The following LARGE1 variants were observed in gnomAD, a reference collection of about 807,000 sequenced individuals.
LARGE1 encodes xylosyl- and glucuronyltransferase LARGE1.
In LARGE1, 43 loss-of-function variants were observed where a neutral mutation model predicts 87.6. That is an observed-to-expected ratio of 0.49 (90% CI 0.38 to 0.63). The LOEUF (loss-of-function observed/expected upper bound fraction) is 0.63. Among genes scored for constraint, LARGE1 ranks in the 30% least tolerant of loss-of-function variants. The pLI is 0.00. For synonymous variants in LARGE1, 434 were observed against 394.6 expected, an observed-to-expected ratio of 1.10 and a Z score of -1.18; for missense variants, 802 against 1,000.2, an observed-to-expected ratio of 0.80 and a Z score of 2.67.
chr22:33,922,057 C>A (rs1158363510), upstream of LARGE1, among the ~76,000 whole-genome samples: 1 of 152,062 alleles, frequency 6.6e-6, no homozygotes, highest in Non-Finnish European at 1.5e-5. Flanking sequence ...GGGTCCCCTT[C>A]CCCCCGGGTC....
chr22:33,588,824 G>C (rs1484814685), intron 5 of LARGE1, among the ~76,000 whole-genome samples: 1 of 152,184 alleles, frequency 6.6e-6, no homozygotes, highest in Non-Finnish European at 1.5e-5. Context: ...CCCACACACA[G>C]AAGGGAGGAA....
intron 7 of LARGE1, among the ~76,000 whole-genome samples, chr22:33,402,144 T>C (rs1408462926): frequency 1.3e-5 from 2 of 152,228 alleles, no homozygotes; most frequent in African/African-American, 2.4e-5. Flanking sequence ...GGAGAGGTCA[T>C]ACAGCTGGTG....
chr22:33,777,132 C>T (rs1335600170), intron 1 of LARGE1, among the ~76,000 whole-genome samples: 1 of 152,142 alleles, frequency 6.6e-6, no homozygotes, highest in South Asian at 2.1e-4. Context: ...AGAAGTCATT[C>T]CTGGCAGAAA....
chr22:33,072,915 G>A, the LARGE1 span, among the ~76,000 whole-genome samples: 4 of 152,178 alleles, frequency 2.6e-5, no homozygotes, highest in Admixed American at 6.5e-5. Context: ...GCCAGGGCTG[G>A]CCTTCATTCC....
intron 6 of LARGE1, among the ~76,000 whole-genome samples, chr22:33,460,193 G>C (rs546172749): frequency 6.6e-6 from 1 of 152,124 alleles, no homozygotes; most frequent in African/African-American, 2.4e-5. Context: ...CGGTTGTGTC[G>C]GCCAAATTTA....
At chr22:33,848,341 TG>T in intron 1 of LARGE1, among the ~76,000 whole-genome samples, 1 of 152,204 alleles carries the variant, frequency 6.6e-6, no homozygotes, top group South Asian at 2.1e-4. Context: ...AACGAGGTGG[TG>T]GATAAGCGGT....
chr22:33,830,946 T>A (rs2062946440), intron 1 of LARGE1, among the ~76,000 whole-genome samples: 1 of 152,156 alleles, frequency 6.6e-6, no homozygotes, highest in Non-Finnish European at 1.5e-5. Flanking sequence ...ATGACCTAAG[T>A]GTCACCTAAA....
At chr22:33,608,973 G>A (rs2079345224) in intron 4 of LARGE1, among the ~76,000 whole-genome samples, 1 of 152,108 alleles carries the variant, frequency 6.6e-6, no homozygotes, top group Admixed American at 6.6e-5. Flanking sequence ...TTTCAATACA[G>A]GTTATCTATT....
At chr22:33,102,391 T>C in the LARGE1 span, among the ~76,000 whole-genome samples, 2 of 152,134 alleles carry the variant, frequency 1.3e-5, no homozygotes, top group Non-Finnish European at 2.9e-5. Context: ...TAGGATGCTC[T>C]TGATCTCTTG....
the LARGE1 span, among the ~76,000 whole-genome samples, chr22:33,119,005 A>T: frequency 6.6e-6 from 1 of 152,208 alleles, no homozygotes; most frequent in Non-Finnish European, 1.5e-5. Context: ...TTAACAAGGG[A>T]CTTCCATTAA....
At chr22:33,689,033 T>A (rs2082021218) in intron 2 of LARGE1, among the ~76,000 whole-genome samples, 1 of 152,124 alleles carries the variant, frequency 6.6e-6, no homozygotes, top group African/African-American at 2.4e-5. Flanking sequence ...AAGCCCTGGT[T>A]TAGCGCTTCA....
intron 10 of LARGE1, chr22:33,320,765 G>A (rs1287575226): frequency 6.6e-6 from 1 of 152,202 alleles, no homozygotes; most frequent in Non-Finnish European, 1.5e-5. Flanking sequence ...GTCTGTGACG[G>A]CTGAAAAGCT....
At chr22:33,519,235 C>CGTGTGTGTGT (rs3071590) in intron 6 of LARGE1, among the ~76,000 whole-genome samples, 16 of 149,646 alleles carry the variant, frequency 1.1e-4, no homozygotes, top group East Asian at 2.0e-4. Flanking sequence ...CGTGCGCGCG[C>CGTGTGTGTGT]GTGTGTGTGT....
At chr22:33,780,752 C>A (rs1284287898) in intron 1 of LARGE1, among the ~76,000 whole-genome samples, 2 of 152,212 alleles carry the variant, frequency 1.3e-5, no homozygotes, top group Non-Finnish European at 2.9e-5. Context: ...GGGCTTAGAA[C>A]AATTTCTTGC....
intron 8 of LARGE1, among the ~76,000 whole-genome samples, chr22:33,382,716 C>T (rs5994725): frequency 4.6e-5 from 7 of 152,202 alleles, no homozygotes; most frequent in African/African-American, 1.2e-4. Context: ...TATGGGCCTT[C>T]GTGGCAGAAG....
At chr22:33,679,457 G>GAC (rs1170112078) in intron 2 of LARGE1, among the ~76,000 whole-genome samples, 1 of 150,486 alleles carries the variant, frequency 6.6e-6, no homozygotes, top group Non-Finnish European at 1.5e-5. Context: ...TTTGGGGACA[G>GAC]ACACACACAC....
intron 2 of LARGE1, among the ~76,000 whole-genome samples, chr22:33,729,977 T>C (rs1401473026): frequency 1.2e-4 from 18 of 152,034 alleles, no homozygotes; most frequent in Non-Finnish European, 2.9e-5. Context: ...TGTGTGCGTG[T>C]GTGCATGCGT....
chr22:33,131,033 CAAAAAAAAAAA>C, the LARGE1 span, among the ~76,000 whole-genome samples: 130 of 70,930 alleles, frequency 1.8e-3, 2 homozygotes, highest in African/African-American at 6.5e-3. Flanking sequence ...GACTCCGTCT[CAAAAAAAAAAA>C]AAAAAAAAAA....
At position 33,407,084 on chromosome 22, in the gene LARGE1, C is replaced by T. The variant is rs5998934; in HGVS notation, c.893-22780G>A. 1.9e-4 allele frequency among the ~76,000 whole-genome samples: 29 copies of T among 152,288 alleles called. 1 individual carries two copies. The highest frequency in any genetic ancestry group is 6.3e-4 in the African/African-American group (26 of 41,568). On this transcript the variant is annotated intron_variant, in intron 7 of 14. Coordinates refer to ENST00000397394, the MANE Select transcript of LARGE1 (RefSeq NM_133642.5). ...CTGGGATTACAGGCATGAGCCACCA[C>T]GCCTGGCTGAAAATGCATATAATAT...
Sources: gnomAD v4.1 joint callset for allele counts (sites outside exome capture counted in the v4.1 genomes callset) on GRCh38, gnomAD v4.1.1 for gene constraint, MANE v1.5 for transcripts, NCBI Gene and HGNC (gene_info 2026-07-23, HGNC 2026-07-21) for gene names.